The following SLC15A1 variants were observed in gnomAD, a reference collection of about 807,000 sequenced individuals.
SLC15A1 encodes Caco-2 oligopeptide transporter.
A neutral mutation model predicts 92.9 loss-of-function variants in SLC15A1; 83 were observed. The observed-to-expected ratio is 0.89, with a 90% CI of 0.75 to 1.07. SLC15A1 has a LOEUF of 1.07. SLC15A1 is among the 50% of genes least tolerant of loss of function. The probability of loss-of-function intolerance (pLI) is 0.00; values close to 1 mark genes in which losing one functional copy is unlikely to be tolerated. For missense variants in SLC15A1, 857 were observed against 880.1 expected (o/e 0.97, Z 0.33); for synonymous variants, 322 against 318.2 (o/e 1.01, Z -0.13).
At chr13:98,729,231 C>T (rs2088328714) in intron 1 of SLC15A1, among the ~76,000 whole-genome samples, 1 of 151,576 alleles carries the variant, frequency 6.6e-6, no homozygotes. Context: ...ATCATATGTA[C>T]CCCATAAATA....
In SLC15A1 at chr13:98,719,175, A is replaced by T. The variant is rs1211870812; in HGVS notation, c.640+62T>A. 3.7e-5 allele frequency: 44 copies of T among 1,203,990 alleles called. No individual in the cohort carries two copies. In the South Asian group the frequency reaches 5.6e-4, roughly 15 times the overall value. 74.6% of individuals were successfully genotyped at this position (1,203,990 alleles called of 1,614,324 possible). On this transcript the variant is annotated intron_variant, in intron 8 of 22. Transcript: ENST00000376503. ...CATGCACTTTAAAAAATTAGTCACA[A>T]TCATTCACGTAGGGCCTGACCTGGT...
At chr13:98,725,460 G>C (rs1566454192) in intron 4 of SLC15A1, among the ~76,000 whole-genome samples, 1 of 152,176 alleles carries the variant, frequency 6.6e-6, no homozygotes, top group Non-Finnish European at 1.5e-5. Context: ...AGCAGCGTGA[G>C]CCCCTCAGCA....
chr13:98,705,744 T>C (rs1179682070), intron 16 of SLC15A1, among the ~76,000 whole-genome samples: 1 of 151,990 alleles, frequency 6.6e-6, no homozygotes, highest in Non-Finnish European at 1.5e-5. Flanking sequence ...ATACAAAAAT[T>C]AGCTGGGTGT....
chr13:98,710,808 C>CA (rs4646225), intron 11 of SLC15A1, among the ~76,000 whole-genome samples: 30,134 of 71,612 alleles, frequency 0.42, 6,840 homozygotes, highest in Non-Finnish European at 0.52. Flanking sequence ...ACTCTTGACT[C>CA]AAAAAAAAAA....
intron 18 of SLC15A1, among the ~76,000 whole-genome samples, chr13:98,700,856 A>T (rs1475606074): frequency 1.3e-5 from 2 of 152,186 alleles, no homozygotes; most frequent in Non-Finnish European, 2.9e-5. Context: ...GACAAAAATC[A>T]GTTGGTTGGG....
chr13:98,722,606 T>C (rs2088269343), intron 5 of SLC15A1, among the ~76,000 whole-genome samples: 1 of 152,204 alleles, frequency 6.6e-6, no homozygotes, highest in African/African-American at 2.4e-5. Flanking sequence ...CTAATGTTGC[T>C]TTTAAACACT....
rs771310131 is a variant in SLC15A1, at chr13:98,704,292, C to T, written c.1413G>A (p.Gln471=). ...TLLVWAPNHY[Q]VVKDGLNQKP... is the part of the protein sequence containing the mutation. The stretch of plus-strand genomic sequence containing the variant: ...CTGTAGGTCTTCACACACTTACCAC[C>T]TGGTAGTGATTGGGGGCCCACACTA... Residue 471 remains glutamine (Q), a synonymous_variant, in exon 17 of 23, where the codon CAG becomes CAA. Coordinates refer to ENST00000376503, the MANE Select transcript of SLC15A1 (RefSeq NM_005073.4). 1.6e-5 allele frequency: 26 copies of T among 1,605,356 alleles called. No homozygotes were observed. The highest frequency in any genetic ancestry group is 2.2e-5 in the Non-Finnish European group (26 of 1,176,590).
At position 98,704,295 on chromosome 13, in the gene SLC15A1, G is replaced by C. The variant is rs2088093809; in HGVS notation, c.1410C>G (p.Tyr470Ter). The C allele has an allele frequency of 6.2e-7, 1 of 1,607,176 alleles. No homozygotes were observed. The highest frequency in any genetic ancestry group is 1.7e-5 in the Admixed American group (1 of 58,708). Residue 470 changes from tyrosine (Y) to a stop codon, truncating the protein, a stop_gained, in exon 17 of 23, where the codon TAC (tyrosine) becomes TAG (stop). Transcript: ENST00000376503. LOFTEE classifies it high-confidence loss of function. ...HTLLVWAPNH[Y>*]QVVKDGLNQK... The stretch of plus-strand genomic sequence containing the variant: ...TAGGTCTTCACACACTTACCACCTG[G>C]TAGTGATTGGGGGCCCACACTAGAA...
chr13:98,702,788 T>C (rs2088078785), intron 17 of SLC15A1, among the ~76,000 whole-genome samples: 2 of 151,558 alleles, frequency 1.3e-5, no homozygotes, highest in East Asian at 3.9e-4. Context: ...AGACCTTGTC[T>C]CTCTTAGAAA....
chr13:98,718,516 A>C (rs1371107816), intron 8 of SLC15A1, among the ~76,000 whole-genome samples: 2 of 151,822 alleles, frequency 1.3e-5, no homozygotes, highest in Non-Finnish European at 2.9e-5. Context: ...AAATAAACAA[A>C]AACAACAACA....
chr13:98,726,312 T>C (rs765075812), intron 3 of SLC15A1, 48 bp from the exon 4 acceptor site: 1 of 1,613,856 alleles, frequency 6.2e-7, no homozygotes, highest in Non-Finnish European at 8.5e-7. Context: ...AAGTTAGGAC[T>C]GGTTATGGCC....
intron 1 of SLC15A1, among the ~76,000 whole-genome samples, chr13:98,747,858 T>C (rs906820510): frequency 7.2e-5 from 11 of 152,094 alleles, no homozygotes; most frequent in African/African-American, 2.2e-4. Context: ...TCCAGCCTGG[T>C]TGACAGAGCA....
At chr13:98,715,729 G>A (rs2297321) in intron 9 of SLC15A1, 149 bp downstream of exon 9, 2 of 622,686 alleles carry the variant, frequency 3.2e-6, no homozygotes, top group Admixed American at 5.9e-5. Context: ...GTGTCTTTTT[G>A]CATTTAGAAG....
chr13:98,699,942 G>A (rs1409185086), intron 18 of SLC15A1, among the ~76,000 whole-genome samples: 4 of 152,038 alleles, frequency 2.6e-5, no homozygotes, highest in Non-Finnish European at 2.9e-5. Context: ...AATCTTTTGC[G>A]TTTTTAATTG....
chr13:98,713,293 C>A (rs2088182027), intron 9 of SLC15A1, among the ~76,000 whole-genome samples: 1 of 152,000 alleles, frequency 6.6e-6, no homozygotes, highest in Non-Finnish European at 1.5e-5. Flanking sequence ...AATTCCTGAG[C>A]TCAGGCGATC....
At chr13:98,745,951 A>C (rs549312432) in intron 1 of SLC15A1, among the ~76,000 whole-genome samples, 2 of 151,798 alleles carry the variant, frequency 1.3e-5, no homozygotes, top group East Asian at 3.9e-4. Flanking sequence ...CAGGGTTTTG[A>C]TGCTCAGATT....
In SLC15A1 at chr13:98,709,739, T is replaced by G. The variant is rs2088146074; in HGVS notation, c.978+3A>C. 6.2e-7 allele frequency: 1 copy of G among 1,614,204 alleles called. No individual in the cohort carries two copies. The stretch of plus-strand genomic sequence containing the variant: ...CCCTGAAAGCAACTTACATGTCTTC[T>G]ACCTGCATCTGATCGGGCTGAATTT... On this transcript the variant is annotated splice_donor_region_variant and intron_variant, in intron 13 of 22. Coordinates refer to ENST00000376503, the MANE Select transcript of SLC15A1 (RefSeq NM_005073.4).
intron 4 of SLC15A1, among the ~76,000 whole-genome samples, chr13:98,725,677 A>C (rs530653167): frequency 6.6e-6 from 1 of 152,314 alleles, no homozygotes; most frequent in African/African-American, 2.4e-5. Context: ...TAGGGACAGG[A>C]TACTGAGCAG....
intron 7 of SLC15A1, 144 bp from the exon 8 acceptor site, chr13:98,719,464 C>T: frequency 1.8e-6 from 1 of 551,428 alleles, no homozygotes; most frequent in Non-Finnish European, 3.2e-6. Flanking sequence ...GACATAATTG[C>T]CAGCTAAGTA....
Sources: allele counts gnomAD v4.1 joint callset (sites outside exome capture counted in the v4.1 genomes callset), GRCh38; gene constraint gnomAD v4.1.1; transcripts MANE v1.5; gene names NCBI Gene and HGNC (gene_info 2026-07-23, HGNC 2026-07-21).